Variants in VWA8 observed in about 807,000 individuals in gnomAD.
VWA8 encodes the protein von Willebrand factor A domain containing 8.
In VWA8, 221 loss-of-function variants were observed where a neutral mutation model predicts 241.5. That is an observed-to-expected ratio of 0.91 (90% confidence interval 0.82 to 1.02). The LOEUF (loss-of-function observed/expected upper bound fraction) is 1.02, where lower values mean the gene tolerates loss of function less well. Among genes scored for constraint, VWA8 ranks in the 50% least tolerant of loss-of-function variants. VWA8 has a pLI of 0.00. For missense variants in VWA8, 2,322 were observed against 2,328.7 expected (o/e 1.00, Z 0.06); for synonymous variants, 852 against 827.1 (o/e 1.03, Z -0.52).
intron 3 of VWA8, among the ~76,000 whole-genome samples, chr13:41,908,264 G>A (rs1372943858): frequency 7.9e-5 from 12 of 152,126 alleles, no homozygotes; most frequent in South Asian, 4.1e-4. Flanking sequence ...TCAGAAGTTC[G>A]AGACCAGCCT....
chr13:41,606,257 A>T (rs942493991), intron 39 of VWA8, among the ~76,000 whole-genome samples: 1 of 152,118 alleles, frequency 6.6e-6, no homozygotes, highest in African/African-American at 2.4e-5. Context: ...TTATCTTTAC[A>T]GTGCCTAGCA....
intron 17 of VWA8, among the ~76,000 whole-genome samples, chr13:41,805,816 A>G (rs1870167129): frequency 6.6e-6 from 1 of 151,746 alleles, no homozygotes; most frequent in Non-Finnish European, 1.5e-5. Flanking sequence ...CTTCATCTCA[A>G]AAAAAAAGAA....
chr13:41,873,353 T>A (rs911575435), intron 9 of VWA8, among the ~76,000 whole-genome samples: 4 of 151,842 alleles, frequency 2.6e-5, no homozygotes, highest in African/African-American at 7.2e-5. Flanking sequence ...TGAAGGAAAT[T>A]GAGACACAAA....
At chr13:41,675,761 A>C (rs1165082000) in intron 35 of VWA8, among the ~76,000 whole-genome samples, 1 of 152,110 alleles carries the variant, frequency 6.6e-6, no homozygotes. Context: ...CATTTGTAAA[A>C]TGGGGATAAC....
intron 41 of VWA8, among the ~76,000 whole-genome samples, chr13:41,588,051 G>A (rs1187092316): frequency 6.6e-6 from 1 of 152,220 alleles, no homozygotes; most frequent in Non-Finnish European, 1.5e-5. Flanking sequence ...ACTCTAGCAA[G>A]AGTTTGTGTT....
At chr13:41,672,301 G>GTA (rs918096526) in intron 36 of VWA8, among the ~76,000 whole-genome samples, 7 of 151,986 alleles carry the variant, frequency 4.6e-5, no homozygotes, top group East Asian at 1.9e-4. Context: ...GTATATGTGT[G>GTA]TATATATATA....
chr13:41,742,160 T>C (rs1466132891), intron 21 of VWA8, among the ~76,000 whole-genome samples: 1 of 152,216 alleles, frequency 6.6e-6, no homozygotes, highest in African/African-American at 2.4e-5. Flanking sequence ...AGTCTGACTT[T>C]CATTTCATGG....
chr13:41,791,599 ATATAT>A lies in VWA8; in HGVS notation c.2064-4061_2064-4057del, dbSNP rs1483539393. Among the ~76,000 whole-genome samples the A allele has an allele frequency of 2.6e-5, 4 of 152,022 alleles. No individual in the cohort carries two copies. In the East Asian group the frequency reaches 7.7e-4, roughly 29 times the overall value. ...CTACGTAAGTGTGTATGAATAAAAA[ATATAT>A]TGTACTGTTTATCACATTTAACATT... On this transcript the variant is annotated intron_variant, in intron 17 of 44. Coordinates refer to ENST00000379310, the MANE Select transcript of VWA8 (RefSeq NM_015058.2).
At chr13:41,674,833 T>G (rs2137802390) in intron 36 of VWA8, among the ~76,000 whole-genome samples, 1 of 152,314 alleles carries the variant, frequency 6.6e-6, no homozygotes, top group East Asian at 1.9e-4. Flanking sequence ...TAAAGAAATC[T>G]ATTTAAATTG....
At chr13:41,771,968 G>A (rs1192828689) in intron 20 of VWA8, among the ~76,000 whole-genome samples, 4 of 132,976 alleles carry the variant, frequency 3.0e-5, no homozygotes, top group African/African-American at 8.5e-5. Context: ...TCAGCTCACC[G>A]CAACCTCTGC....
intron 17 of VWA8, among the ~76,000 whole-genome samples, chr13:41,788,489 C>T (rs1266870397): frequency 1.3e-5 from 2 of 152,176 alleles, no homozygotes; most frequent in African/African-American, 2.4e-5. Flanking sequence ...TTATCTCTTA[C>T]CTCCTGCCTC....
At chr13:41,920,267 C>T (rs960755291) in intron 2 of VWA8, among the ~76,000 whole-genome samples, 1 of 152,126 alleles carries the variant, frequency 6.6e-6, no homozygotes, top group African/African-American at 2.4e-5. Context: ...GGGGCCTGAA[C>T]CTTTGAGGCT....
At chr13:41,676,970 C>T (rs2045064970) in intron 35 of VWA8, among the ~76,000 whole-genome samples, 1 of 152,118 alleles carries the variant, frequency 6.6e-6, no homozygotes, top group Admixed American at 6.6e-5. Context: ...AAAAAATCTT[C>T]TTTCAAAAAT....
At chr13:41,804,382 G>T (rs1013499533) in intron 17 of VWA8, among the ~76,000 whole-genome samples, 2 of 151,954 alleles carry the variant, frequency 1.3e-5, no homozygotes, top group Non-Finnish European at 2.9e-5. Flanking sequence ...GAAGGAAAAA[G>T]CTTTTATCCT....
chr13:41,630,539 C>T (rs1446926106), intron 37 of VWA8, among the ~76,000 whole-genome samples: 11 of 151,876 alleles, frequency 7.2e-5, no homozygotes, highest in Admixed American at 7.2e-4. Flanking sequence ...AAAGCCACTC[C>T]CCCTCCCCTT....
At chr13:41,612,599 G>GA (rs1369305217) in intron 38 of VWA8, among the ~76,000 whole-genome samples, 1 of 152,060 alleles carries the variant, frequency 6.6e-6, no homozygotes, top group Non-Finnish European at 1.5e-5. Context: ...ATGGACCAGA[G>GA]AAAAAAACAC....
Position 41,773,152 on chromosome 13 carries a change from T to C in VWA8, c.2349+4833A>G, listed in dbSNP as rs574996271. Among the ~76,000 whole-genome samples, 5 of 152,364 alleles carry C rather than the reference T, an allele frequency of 3.3e-5. No individual in the cohort carries two copies. In the South Asian group the frequency reaches 1.0e-3, roughly 32 times the overall value. ...TTTACTTTAAAAATAAGTTATGTGA[T>C]TAAAATAGGCATTTTCACAGGGGAC... On this transcript the variant is annotated intron_variant, in intron 20 of 44. Transcript: ENST00000379310.
chr13:41,695,659 G>T (rs1209350496), intron 29 of VWA8, among the ~76,000 whole-genome samples: 2 of 152,144 alleles, frequency 1.3e-5, no homozygotes, highest in Non-Finnish European at 1.5e-5. Flanking sequence ...TAGAGAGGAA[G>T]TATACAGATA....
rs1268130725 is a variant in VWA8, at chr13:41,868,492, G to A, written c.1081-15C>T. 2 of 1,606,366 alleles carry A rather than the reference G, an allele frequency of 1.2e-6. No homozygotes were observed. On this transcript the variant is annotated splice_polypyrimidine_tract_variant and intron_variant, in intron 9 of 44. Transcript: ENST00000379310. Reference sequence around the variant, plus strand: ...AGTTCAAAGCGCTGTAAAATTACAAGAAAATCATGCAATTTACTTTTCATT... The same window carrying A: ...AGTTCAAAGCGCTGTAAAATTACAAAAAAATCATGCAATTTACTTTTCATT...
Sources: gnomAD v4.1 joint callset for allele counts (sites outside exome capture counted in the v4.1 genomes callset) on GRCh38, gnomAD v4.1.1 for gene constraint, MANE v1.5 for transcripts, NCBI Gene and HGNC (gene_info 2026-07-23, HGNC 2026-07-21) for gene names.